CPNE4: variants seen among roughly 807,000 people sequenced by gnomAD.
The protein encoded by CPNE4 is copine-4.
CPNE4 carries 25 observed loss-of-function variants against 67.9 expected under a neutral mutation model. The ratio of observed to expected loss-of-function variants is 0.37; its 90% CI spans 0.27 to 0.51. CPNE4 has a LOEUF of 0.51. CPNE4 is among the 20% of genes least tolerant of loss of function. CPNE4 has a pLI of 0.93. For synonymous variants in CPNE4, 242 were observed against 244.9 expected (o/e 0.99, Z 0.11); for missense variants, 464 against 690.8 (o/e 0.67, Z 3.68).
chr3:131,825,469 C>CCAG (rs1169371632), intron 2 of CPNE4, among the ~76,000 whole-genome samples: 1 of 148,240 alleles, frequency 6.7e-6, no homozygotes, highest in Non-Finnish European at 1.5e-5. Context: ...ACACTCCAGC[C>CCAG]TGGGAAACAG....
At chr3:131,641,662 T>G (rs2079544484) in intron 7 of CPNE4, among the ~76,000 whole-genome samples, 1 of 152,116 alleles carries the variant, frequency 6.6e-6, no homozygotes, top group Non-Finnish European at 1.5e-5. Context: ...TACTAGGTAT[T>G]TACCTAGAGG....
chr3:131,608,418 C>T (rs1289409771), intron 7 of CPNE4, among the ~76,000 whole-genome samples: 2 of 152,054 alleles, frequency 1.3e-5, no homozygotes, highest in Non-Finnish European at 2.9e-5. Context: ...AGTGGGGAAG[C>T]TGAGTTGTGA....
intron 1 of CPNE4, among the ~76,000 whole-genome samples, chr3:131,911,368 T>A (rs528083037): frequency 3.3e-5 from 5 of 152,304 alleles, no homozygotes; most frequent in African/African-American, 1.2e-4. Flanking sequence ...ACACCTCGAT[T>A]GCAGACTTGT....
At chr3:131,580,817 T>C (rs1005607841) in intron 9 of CPNE4, among the ~76,000 whole-genome samples, 2 of 152,196 alleles carry the variant, frequency 1.3e-5, no homozygotes, top group African/African-American at 2.4e-5. Flanking sequence ...GTAAGCCCTT[T>C]AATCTTTGCC....
intron 1 of CPNE4, among the ~76,000 whole-genome samples, chr3:131,978,506 ATATATATT>A (rs1560724568): frequency 1.3e-5 from 1 of 76,668 alleles, no homozygotes; most frequent in African/African-American, 6.3e-5. Context: ...TTATATATTT[ATATATATT>A]TATTTATATA....
chr3:131,993,373 A>G (rs1312509856), intron 1 of CPNE4, among the ~76,000 whole-genome samples: 1 of 132,274 alleles, frequency 7.6e-6, no homozygotes, highest in African/African-American at 2.5e-5. Context: ...CATTCTTTTG[A>G]AAAAGCAAAA....
chr3:131,792,685 G>GTGTGTATATA (rs2083783970), intron 2 of CPNE4, among the ~76,000 whole-genome samples: 3 of 42,928 alleles, frequency 7.0e-5, no homozygotes, highest in African/African-American at 3.1e-4. Context: ...ATATACACAC[G>GTGTGTATATA]TGTATATATA....
chr3:131,746,349 G>A lies in CPNE4; in HGVS notation c.181-22724C>T, dbSNP rs186487065. On this transcript the variant is annotated intron_variant, in intron 2 of 15. Coordinates refer to ENST00000429747, the MANE Select transcript of CPNE4 (RefSeq NM_130808.3). ...TGTTGTCAACTCTAGTCATTCTACC[G>A]TACAATAAAACAGCAGAACTTATTT... Among the ~76,000 whole-genome samples, 11 of 152,060 alleles carry A rather than the reference G, an allele frequency of 7.2e-5. No individual in the cohort carries two copies. The East Asian group carries it at 9.7e-4, about 13-fold the overall frequency.
chr3:131,645,823 A>G (rs1239236696), intron 7 of CPNE4, among the ~76,000 whole-genome samples: 1 of 152,194 alleles, frequency 6.6e-6, no homozygotes, highest in Non-Finnish European at 1.5e-5. Flanking sequence ...AGGGGCAGGC[A>G]TTACCATCTT....
chr3:131,969,793 T>TAAAAC (rs1365507848), intron 1 of CPNE4, among the ~76,000 whole-genome samples: 1 of 152,328 alleles, frequency 6.6e-6, no homozygotes, highest in East Asian at 1.9e-4. Context: ...TCATGTCAAA[T>TAAAAC]AAAACAAAAC....
intron 2 of CPNE4, among the ~76,000 whole-genome samples, chr3:131,863,987 G>C (rs1358562847): frequency 6.6e-5 from 10 of 152,102 alleles, no homozygotes; most frequent in South Asian, 6.2e-4. Flanking sequence ...TCTTGTTTTT[G>C]TCAGGTTTGT....
intron 1 of CPNE4, among the ~76,000 whole-genome samples, chr3:132,023,795 C>A (rs1425498255): frequency 1.3e-5 from 2 of 152,066 alleles, no homozygotes; most frequent in Non-Finnish European, 2.9e-5. Context: ...CCCAGATCAG[C>A]CTTTTATTTA....
intron 2 of CPNE4, among the ~76,000 whole-genome samples, chr3:131,743,962 C>CA (rs67791015): frequency 0.17 from 10,155 of 59,066 alleles, 1,826 homozygotes; most frequent in Middle Eastern, 0.2. Flanking sequence ...GACTCCGTCT[C>CA]AAAAAAAAAA....
chr3:131,880,010 G>T (rs1381835126), intron 2 of CPNE4, among the ~76,000 whole-genome samples: 3 of 151,894 alleles, frequency 2.0e-5, no homozygotes, highest in Non-Finnish European at 2.9e-5. Flanking sequence ...AAAAAACATT[G>T]ATTCATACAT....
At chr3:131,813,144 A>G (rs1240035453) in intron 2 of CPNE4, among the ~76,000 whole-genome samples, 3 of 152,110 alleles carry the variant, frequency 2.0e-5, no homozygotes, top group African/African-American at 7.2e-5. Context: ...TTTCAGTCTA[A>G]TGAAACTTAT....
chr3:131,661,793 G>T (rs2080133534), intron 7 of CPNE4, among the ~76,000 whole-genome samples: 1 of 152,080 alleles, frequency 6.6e-6, no homozygotes, highest in Non-Finnish European at 1.5e-5. Flanking sequence ...GGCACATAGA[G>T]AGGACGGTGA....
At chr3:131,990,321 G>A (rs1414792958) in intron 1 of CPNE4, among the ~76,000 whole-genome samples, 1 of 136,280 alleles carries the variant, frequency 7.3e-6, no homozygotes, top group Non-Finnish European at 1.7e-5. Flanking sequence ...AAAATTATTG[G>A]TTCAAGGACT....
chr3:131,951,226 T>A (rs2071711001), intron 1 of CPNE4, among the ~76,000 whole-genome samples: 3 of 152,178 alleles, frequency 2.0e-5, no homozygotes, highest in African/African-American at 7.2e-5. Flanking sequence ...GGAAGTTAAA[T>A]TTATTTCTAG....
At chr3:132,006,664 T>TTTC (rs3045270) in intron 1 of CPNE4, among the ~76,000 whole-genome samples, 5 of 150,762 alleles carry the variant, frequency 3.3e-5, no homozygotes, top group Admixed American at 6.6e-5. Context: ...CATTTTTTTT[T>TTTC]GTTGTTGTTC....
Sources: allele counts gnomAD v4.1 joint callset (sites outside exome capture counted in the v4.1 genomes callset), GRCh38; gene constraint gnomAD v4.1.1; transcripts MANE v1.5; gene names NCBI Gene and HGNC (gene_info 2026-07-23, HGNC 2026-07-21).